DGKH: variants seen among roughly 807,000 people sequenced by gnomAD.
The protein encoded by DGKH is DAG kinase eta.
In DGKH, 90 loss-of-function variants were observed where a neutral mutation model predicts 159.3. That is an observed-to-expected ratio of 0.57 (90% CI 0.48 to 0.67). DGKH has a LOEUF of 0.67. DGKH is among the 30% of genes least tolerant of loss of function. The probability of loss-of-function intolerance (pLI) is 0.00; values close to 1 mark genes in which losing one functional copy is unlikely to be tolerated. For missense variants in DGKH, 1,181 were observed against 1,506.1 expected, an observed-to-expected ratio of 0.78 and a Z score of 3.57; for synonymous variants, 536 against 553.8, an observed-to-expected ratio of 0.97 and a Z score of 0.45.
rs66713217 is a variant in DGKH, at chr13:42,184,888, TAAA to T, written c.1539-2154_1539-2152del. Among the ~76,000 whole-genome samples, 114 of 137,890 alleles carry T rather than the reference TAAA, an allele frequency of 8.3e-4. No individual in the cohort carries two copies. In the South Asian group the frequency reaches 9.5e-3, roughly 12 times the overall value. 90.5% of individuals were successfully genotyped at this position (137,890 alleles called of 152,430 possible). A position where few individuals can be genotyped will look rare whatever the true frequency, so the allele number is the denominator to read the frequency against. ...ATCTCTAAAAATGTTTTTTTTTTTT[TAAA>T]AAAAAAGTTCTAACATTGATTAAAG... On this transcript the variant is annotated intron_variant, in intron 13 of 29. Coordinates refer to ENST00000337343, the MANE Select transcript of DGKH (RefSeq NM_178009.5).
chr13:42,057,873 C>T (rs1881876615), intron 1 of DGKH, among the ~76,000 whole-genome samples: 1 of 151,822 alleles, frequency 6.6e-6, no homozygotes, highest in African/African-American at 2.4e-5. Flanking sequence ...GGCAATGAGC[C>T]ATGTGGACCT....
At chr13:42,090,679 C>G (rs1349195251) in intron 1 of DGKH, among the ~76,000 whole-genome samples, 1 of 152,122 alleles carries the variant, frequency 6.6e-6, no homozygotes, top group Non-Finnish European at 1.5e-5. Context: ...TTTGGGAGAA[C>G]TAGATATCTG....
Position 42,215,620 on chromosome 13 carries a change from G to A in DGKH, c.3166G>A (p.Ala1056Thr), listed in dbSNP as rs754204468. ...TATEIAINVK[A>T]LYNETESLLV... ...CACTGAAATAGCCATCAATGTGAAG[G>A]CGCTGTATAATGAAACAGAATCTTT... Residue 1056 changes from alanine (A) to threonine (T), a missense_variant, in exon 26 of 30, where the codon GCG (alanine) becomes ACG (threonine). By Grantham distance (58) the Ala-to-Thr change is moderately conservative (BLOSUM62 0). Coordinates refer to ENST00000337343, the MANE Select transcript of DGKH (RefSeq NM_178009.5). The A allele has an allele frequency of 6.2e-7, 1 of 1,611,632 alleles. No homozygotes were observed. The highest frequency in any genetic ancestry group is 1.1e-5 in the South Asian group (1 of 90,658).
rs796886339 is a variant in DGKH at position 42,164,198 on chromosome 13, C to T, written c.856-1133C>T. ...ATGAATCAACTTATAATTTTTCCTA[C>T]TGTCATCCAGGTCTGTGGACATAGT... On this transcript the variant is annotated intron_variant, in intron 7 of 29. Coordinates refer to ENST00000337343, the MANE Select transcript of DGKH (RefSeq NM_178009.5). 6.6e-5 allele frequency among the ~76,000 whole-genome samples: 10 copies of T among 152,272 alleles called. 1 individual carries two copies. Among genetic ancestry groups the T allele is most frequent in the African/African-American group, 2.4e-4 (10 of 41,574 alleles).
chr13:42,244,053 A>AG (rs35496705), downstream of DGKH, among the ~76,000 whole-genome samples: 64,640 of 151,948 alleles, frequency 0.43, 14,156 homozygotes, highest in African/African-American at 0.54. Flanking sequence ...TGGATGGATG[A>AG]GGGGAGAGAA....
At chr13:42,097,313 C>A (rs1954558556) in intron 1 of DGKH, among the ~76,000 whole-genome samples, 1 of 152,150 alleles carries the variant, frequency 6.6e-6, no homozygotes, top group Non-Finnish European at 1.5e-5. Context: ...ATCTCCCTAT[C>A]TCCCCCATTT....
chr13:42,152,588 G>T (rs1955935276), intron 3 of DGKH, among the ~76,000 whole-genome samples: 1 of 146,532 alleles, frequency 6.8e-6, no homozygotes, highest in Non-Finnish European at 1.5e-5. Flanking sequence ...ATTCCTCAAG[G>T]CCAAGTCCTT....
intron 1 of DGKH, among the ~76,000 whole-genome samples, chr13:42,065,144 T>C (rs1882470063): frequency 6.6e-6 from 1 of 152,126 alleles, no homozygotes; most frequent in South Asian, 2.1e-4. Flanking sequence ...GTCAGAAGGG[T>C]GTGAGTGAAT....
At chr13:42,118,229 A>G (rs979798004) in intron 1 of DGKH, among the ~76,000 whole-genome samples, 1 of 151,956 alleles carries the variant, frequency 6.6e-6, no homozygotes, top group Non-Finnish European at 1.5e-5. Context: ...AAAAAAAAGC[A>G]TTTCCAGCCT....
intron 18 of DGKH, among the ~76,000 whole-genome samples, chr13:42,199,111 C>G (rs962504680): frequency 1.3e-5 from 2 of 152,058 alleles, no homozygotes; most frequent in African/African-American, 4.8e-5. Context: ...TTAAACGTTC[C>G]AAAACACCTG....
At chr13:42,212,234 G>C (rs1473974381) in intron 24 of DGKH, among the ~76,000 whole-genome samples, 3 of 152,150 alleles carry the variant, frequency 2.0e-5, no homozygotes, top group Admixed American at 6.5e-5. Context: ...TAACTAGACT[G>C]TGTGAGATGT....
chr13:42,212,582 C>T (rs1957683018), intron 24 of DGKH, among the ~76,000 whole-genome samples: 1 of 152,178 alleles, frequency 6.6e-6, no homozygotes, highest in South Asian at 2.1e-4. Context: ...CGAAGATTGA[C>T]TAGGCTTGCT....
chr13:42,053,809 CAG>C (rs1245467906), intron 1 of DGKH, among the ~76,000 whole-genome samples: 5 of 151,780 alleles, frequency 3.3e-5, no homozygotes, highest in African/African-American at 1.2e-4. Context: ...TTGGTAGAGA[CAG>C]GGGTTTCACC....
intron 16 of DGKH, among the ~76,000 whole-genome samples, chr13:42,192,627 T>TTTC (rs140648748): frequency 0.13 from 18,862 of 150,432 alleles, 1,558 homozygotes; most frequent in Admixed American, 0.21. Flanking sequence ...TTCTTTCTTC[T>TTTC]TTCTTCTTCT....
chr13:42,225,556 T>A (rs900618134), intron 29 of DGKH, among the ~76,000 whole-genome samples: 6 of 151,930 alleles, frequency 3.9e-5, no homozygotes, highest in Admixed American at 3.3e-4. Context: ...AGGTGGATCA[T>A]GAGGTCAAGA....
chr13:42,086,856 T>G (rs971911250), intron 1 of DGKH, among the ~76,000 whole-genome samples: 4 of 152,088 alleles, frequency 2.6e-5, no homozygotes, highest in Admixed American at 2.0e-4. Flanking sequence ...CCTATGGTCT[T>G]GTTGAGTTGA....
rs567485535 is a variant in DGKH, at chr13:42,249,036, A to G, written n.4055-3373A>G. Among the ~76,000 whole-genome samples, 91 of 152,380 alleles carry G rather than the reference A, an allele frequency of 6.0e-4. 1 individual carries two copies. The South Asian group carries it at 0.017, about 29-fold the overall frequency. On this transcript the variant is annotated intron_variant and non_coding_transcript_variant, in intron 29 of 30. Transcript: ENST00000498255. ...GTTTAACAAAATAGCACTTATGTAC[A>G]TGCAATATAGCTTAATATTTTCTAT...
intron 1 of DGKH, among the ~76,000 whole-genome samples, chr13:42,090,874 G>A (rs946651093): frequency 2.0e-5 from 3 of 152,096 alleles, no homozygotes; most frequent in Non-Finnish European, 2.9e-5. Context: ...TAGGGTTTGA[G>A]GGAATGGGTG....
rs1882361534 is a variant in DGKH, at chr13:42,063,830, T to A, written c.192+14865T>A. On this transcript the variant is annotated intron_variant, in intron 1 of 29. Coordinates refer to ENST00000337343, the MANE Select transcript of DGKH (RefSeq NM_178009.5). ...GGCGCATGCATGTAATCCCAGCTAG[T>A]CGGGAGGCTGAGGCAAGAGAATCTC... 2.0e-5 allele frequency among the ~76,000 whole-genome samples: 3 copies of A among 151,886 alleles called. No homozygotes were observed. The South Asian group carries it at 6.3e-4, about 32-fold the overall frequency.
Sources: gnomAD v4.1 joint callset for allele counts (sites outside exome capture counted in the v4.1 genomes callset) on GRCh38, gnomAD v4.1.1 for gene constraint, MANE v1.5 for transcripts, NCBI Gene and HGNC (gene_info 2026-07-23, HGNC 2026-07-21) for gene names.